SYNE2: variants seen among roughly 807,000 people sequenced by gnomAD.
SYNE2 encodes the protein spectrin repeat containing nuclear envelope protein 2.
A neutral mutation model predicts 856.3 loss-of-function variants in SYNE2; 431 were observed. The observed-to-expected ratio is 0.50, with a 90% CI of 0.47 to 0.55. The LOEUF is 0.55. Among genes scored for constraint, SYNE2 ranks in the 20% least tolerant of loss-of-function variants. The probability of loss-of-function intolerance (pLI) is 0.00; values close to 1 mark genes in which losing one functional copy is unlikely to be tolerated. For synonymous variants in SYNE2, 2,923 were observed against 2,872.3 expected (o/e 1.02, Z -0.56); for missense variants, 8,129 against 8,023.2 (o/e 1.01, Z -0.50).
At chr14:63,880,113 C>T (rs562583177) in intron 1 of SYNE2, among the ~76,000 whole-genome samples, 2 of 151,932 alleles carry the variant, frequency 1.3e-5, no homozygotes, top group East Asian at 3.8e-4. Flanking sequence ...TTTTTTGAGA[C>T]AGGATCTTAC....
Position 64,167,345 on chromosome 14 carries a change from G to T in SYNE2, c.16718G>T (p.Arg5573Leu), listed in dbSNP as rs149227847. ...VAVKTLQNMN[R>L]QWIRATATAL... ...GTGAAGACGTTACAAAATATGAACC[G>T]GCAATGGATTCGGGCCACGGCCACG... is the stretch of plus-strand genomic sequence containing the variant. Residue 5573 changes from arginine (R) to leucine (L), a missense_variant, in exon 91 of 116, where the codon CGG becomes CTG. By Grantham distance (102) the Arg-to-Leu change is moderately radical. This residue lies in a region of SYNE2 where 5,410 missense variants were observed against 5,284.8 expected (regional missense o/e 1.02). Transcript: ENST00000555002. 6 of 1,614,170 alleles carry T rather than the reference G, an allele frequency of 3.7e-6. No individual in the cohort carries two copies. The highest frequency in any genetic ancestry group is 5.1e-6 in the Non-Finnish European group (6 of 1,180,026).
At chr14:64,173,544 G>T (rs564506805) in intron 94 of SYNE2, among the ~76,000 whole-genome samples, 1 of 152,246 alleles carries the variant, frequency 6.6e-6, no homozygotes, top group African/African-American at 2.4e-5. Flanking sequence ...TTGGAAAAAT[G>T]CCCACACTTT....
At position 64,026,651 on chromosome 14, in the gene SYNE2, G is replaced by T. The variant is rs1342257701; in HGVS notation, c.6325G>T (p.Ala2109Ser). 1.2e-6 allele frequency: 2 copies of T among 1,613,438 alleles called. No homozygotes were observed. Among genetic ancestry groups the T allele is most frequent in the South Asian group, 2.2e-5 (2 of 90,954 alleles). Residue 2109 changes from alanine (A) to serine (S), a missense_variant, in exon 42 of 116, where the codon GCC becomes TCC. Physicochemically the swap from Ala to Ser is moderately conservative, Grantham distance 99. Transcript: ENST00000555002. ...TIMKQAESSE[A>S]PLVQKTLTDI... The stretch of plus-strand genomic sequence containing the variant: ...CATGAAGCAGGCTGAGAGCAGCGAG[G>T]CCCCGCTGGTTCAGAAGACCCTCAC...
chr14:63,845,244 C>T (rs1021582175), intron 1 of SYNE2, among the ~76,000 whole-genome samples: 5 of 151,774 alleles, frequency 3.3e-5, no homozygotes, highest in African/African-American at 4.8e-5. Flanking sequence ...GGTGAAACCT[C>T]GTCTCTACTA....
Position 64,145,527 on chromosome 14 carries a change from T to C in SYNE2, c.15484-541T>C, listed in dbSNP as rs146086609. On this transcript the variant is annotated intron_variant, in intron 83 of 115. Transcript: ENST00000555002. ...CGTCTCAAAAAAAAAAAAAAAAAAA[T>C]TATGTCATGACACAGTAGTTATAAT... Among the ~76,000 whole-genome samples, 642 of 142,846 alleles carry C rather than the reference T, an allele frequency of 4.5e-3. 14 individuals carry two copies. The highest frequency in any genetic ancestry group is 0.041 in the Admixed American group (578 of 14,216). 93.7% of individuals were successfully genotyped at this position (142,846 alleles called of 152,430 possible). A position where few individuals can be genotyped will look rare whatever the true frequency, so the allele number is the denominator to read the frequency against.
chr14:64,089,437 C>A, intron 58 of SYNE2, 137 bp from the exon 59 acceptor site: 1 of 356,710 alleles, frequency 2.8e-6, no homozygotes, highest in Non-Finnish European at 5.3e-6. Flanking sequence ...ATCTATAGTG[C>A]TTGGTTAGTT....
chr14:64,076,938 A>G (rs1018213003), intron 54 of SYNE2, among the ~76,000 whole-genome samples: 5 of 152,160 alleles, frequency 3.3e-5, no homozygotes, highest in Non-Finnish European at 5.9e-5. Flanking sequence ...TAGTTAACAC[A>G]CAAGAAAACC....
At chr14:63,869,345 G>C (rs1896252298) in intron 1 of SYNE2, among the ~76,000 whole-genome samples, 1 of 152,092 alleles carries the variant, frequency 6.6e-6, no homozygotes, top group South Asian at 2.1e-4. Flanking sequence ...ACTATTTCCA[G>C]CCAGGCATGG....
At position 64,052,227 on chromosome 14, in the gene SYNE2, C is replaced by A; in HGVS notation, c.8314C>A (p.His2772Asn). ...LSQIRKCKVT[H>N]DGILARQQSV... ...ACAGATCAGAAAGTGCAAAGTGACACATGATGGCATTCTAGCTAGGCAGCA... is the reference window on the plus strand; with the variant it reads ...ACAGATCAGAAAGTGCAAAGTGACAAATGATGGCATTCTAGCTAGGCAGCA... Residue 2772 changes from histidine (H) to asparagine (N), a missense_variant, in exon 48 of 116, where the codon CAT becomes AAT. Coordinates refer to ENST00000555002, the MANE Select transcript of SYNE2 (RefSeq NM_182914.3). The A allele has an allele frequency of 6.2e-7, 1 of 1,614,174 alleles. No individual in the cohort carries two copies. The highest frequency in any genetic ancestry group is 8.5e-7 in the Non-Finnish European group (1 of 1,180,044).
chr14:64,158,738 C>G lies in SYNE2; in HGVS notation c.15906C>G (p.His5302Gln). 6.2e-7 allele frequency: 1 copy of G among 1,613,960 alleles called. No individual in the cohort carries two copies. The highest frequency in any genetic ancestry group is 8.5e-7 in the Non-Finnish European group (1 of 1,179,916). The change falls in exon 86 of 116, where the codon CAC becomes CAG. Residue 5302 changes from histidine to glutamine, a missense_variant. Around this residue, in one of 3 missense-constraint regions of SYNE2, gnomAD observed 5,410 missense variants for 5,284.8 expected, o/e 1.02. Transcript: ENST00000555002. ...MTIRFWYCME[H>Q]SKPVVLSLET... ...TCCGATTCTGGTACTGCATGGAACA[C>G]AGCAAGCCTGTGGTGTTATCATTGG...
In SYNE2 at chr14:64,090,893, A is replaced by G. The variant is rs1179382736; in HGVS notation, c.11821A>G (p.Lys3941Glu). Residue 3941 changes from lysine to glutamate, a missense_variant, in exon 60 of 116, where the codon AAG becomes GAG. Coordinates refer to ENST00000555002, the MANE Select transcript of SYNE2 (RefSeq NM_182914.3). ...EVILENIRPM[K>E]KTIAEIVSYQ... ...CATACTTGAAAATATACGTCCCATG[A>G]AGAAAACCATTGCTGAGATAGTGTC... 5 of 1,614,120 alleles carry G rather than the reference A, an allele frequency of 3.1e-6. No homozygotes were observed. In the South Asian group the frequency reaches 5.5e-5, roughly 18 times the overall value.
At chr14:64,069,164 T>G (rs1378712908) in intron 51 of SYNE2, among the ~76,000 whole-genome samples, 1 of 152,220 alleles carries the variant, frequency 6.6e-6, no homozygotes, top group Non-Finnish European at 1.5e-5. Context: ...CCCCATTAAA[T>G]CCTGGATTAC....
intron 1 of SYNE2, among the ~76,000 whole-genome samples, chr14:63,765,571 A>T (rs1364414429): frequency 6.6e-6 from 1 of 152,020 alleles, no homozygotes; most frequent in Non-Finnish European, 1.5e-5. Flanking sequence ...GTTAACCAGG[A>T]TGGTCTCGAT....
At chr14:64,056,337 T>C in intron 49 of SYNE2, 71 bp downstream of exon 49, 1 of 1,362,132 alleles carries the variant, frequency 7.3e-7, no homozygotes, top group Non-Finnish European at 1.0e-6. Context: ...AACTATATTT[T>C]AATAGTTTTA....
chr14:64,065,352 T>A, intron 50 of SYNE2, 80 bp from the exon 51 acceptor site: 2 of 1,216,594 alleles, frequency 1.6e-6, no homozygotes, highest in Non-Finnish European at 1.2e-6. Flanking sequence ...AATTAATTGT[T>A]CAGGATTTAA....
chr14:64,135,675 A>G (rs374665377), intron 78 of SYNE2, among the ~76,000 whole-genome samples: 4 of 152,210 alleles, frequency 2.6e-5, no homozygotes, highest in African/African-American at 4.8e-5. Context: ...AAAAGTGACC[A>G]TATCTGTTAA....
intron 88 of SYNE2, among the ~76,000 whole-genome samples, chr14:64,163,162 C>T (rs2098341612): frequency 1.3e-5 from 2 of 152,178 alleles, no homozygotes; most frequent in Admixed American, 6.5e-5. Flanking sequence ...CTAGAAGCCT[C>T]GACTCTATTA....
intron 14 of SYNE2, among the ~76,000 whole-genome samples, chr14:63,980,401 C>T (rs749812043): frequency 2.0e-5 from 3 of 152,130 alleles, no homozygotes; most frequent in Non-Finnish European, 4.4e-5. Flanking sequence ...AAGAGGAAAA[C>T]TACTATAGCA....
rs771389608 is a variant in SYNE2 at position 64,052,185 on chromosome 14, C to T, written c.8272C>T (p.Pro2758Ser). The T allele has an allele frequency of 3.1e-6, 5 of 1,614,114 alleles. No individual in the cohort carries two copies. Among genetic ancestry groups the T allele is most frequent in the Middle Eastern group, 1.6e-4 (1 of 6,062 alleles). Residue 2758 changes from proline to serine, a missense_variant, in exon 48 of 116, where the codon CCA becomes TCA. Pro to Ser is a moderately conservative substitution (Grantham distance 74). Transcript: ENST00000555002. Reference protein sequence around the residue: ...GELNPSIPLLPDDILSQIRKC... With the variant: ...GELNPSIPLLSDDILSQIRKC... ...ACTTAATCCCTCCATTCCCCTTCTC[C>T]CAGATGACATTCTTTCACAGATCAG... is the stretch of plus-strand genomic sequence containing the variant.
Sources: allele counts gnomAD v4.1 joint callset (sites outside exome capture counted in the v4.1 genomes callset), GRCh38; gene constraint gnomAD v4.1.1; regional missense constraint gnomAD v4.1.1; transcripts MANE v1.5; gene names NCBI Gene and HGNC (gene_info 2026-07-23, HGNC 2026-07-21).